Variants in HEMGN observed in about 807,000 individuals in gnomAD.
HEMGN encodes the protein erythroid differentiation-associated gene protein.
Under a neutral mutation model 45.7 loss-of-function variants are expected in HEMGN, and 32 were observed. The observed-to-expected ratio is 0.70, with a 90% CI of 0.53 to 0.94. The LOEUF is 0.94. Ranked by LOEUF, HEMGN falls within the 40% of genes least tolerant of loss-of-function variation. The pLI is 0.00. For missense variants in HEMGN, 530 were observed against 564.2 expected, an observed-to-expected ratio of 0.94 and a Z score of 0.61; for synonymous variants, 183 against 178.6, an observed-to-expected ratio of 1.02 and a Z score of -0.20.
chr9:97,932,558 C>T (rs1380331699), intron 2 of HEMGN, among the ~76,000 whole-genome samples: 2 of 152,190 alleles, frequency 1.3e-5, no homozygotes, highest in Admixed American at 1.3e-4. Flanking sequence ...GTAATCCCAG[C>T]ACTCTGGGAG....
In HEMGN at chr9:97,927,496, A is replaced by G. The variant is rs767789216; in HGVS notation, c.1361-18T>C. ...TTTCATTTCTGTAAAATCAAATAAA[A>G]TAAAAAATAGATTCAATAAATTGTA... On this transcript the variant is annotated intron_variant, in intron 3 of 3. Transcript: ENST00000616898. 16 of 1,497,138 alleles carry G rather than the reference A, an allele frequency of 1.1e-5. No individual in the cohort carries two copies. The highest frequency in any genetic ancestry group is 1.5e-5 in the Non-Finnish European group (16 of 1,077,156). 92.7% of individuals were successfully genotyped at this position (1,497,138 alleles called of 1,614,324 possible). A position where few individuals can be genotyped will look rare whatever the true frequency, so the allele number is the denominator to read the frequency against.
chr9:97,931,496 G>A (rs908017557), intron 2 of HEMGN, among the ~76,000 whole-genome samples: 3 of 152,188 alleles, frequency 2.0e-5, no homozygotes, highest in African/African-American at 2.4e-5. Context: ...GCGCGTATGC[G>A]TGCGTGCGTG....
At chr9:97,935,479 C>T (rs553955326) in intron 2 of HEMGN, among the ~76,000 whole-genome samples, 22 of 152,170 alleles carry the variant, frequency 1.4e-4, no homozygotes, top group Non-Finnish European at 1.5e-4. Flanking sequence ...CAGCCCCCCA[C>T]ACAACAGGAA....
intron 2 of HEMGN, among the ~76,000 whole-genome samples, chr9:97,933,605 G>A (rs1446934098): frequency 1.3e-5 from 2 of 152,112 alleles, no homozygotes; most frequent in Non-Finnish European, 2.9e-5. Flanking sequence ...ATAAACCAGA[G>A]TGCCAATCTA....
At position 97,930,796 on chromosome 9, in the gene HEMGN, T is replaced by C. The variant is rs371151700; in HGVS notation, c.599A>G (p.Asn200Ser). ...ICQDMKEPED[N>S]SPNTCQVISV... ...TATTACTTGGCATGTGTTAGGAGAGTTGTCTTCAGGTTCCTTCATGTCTTG... is the reference window on the plus strand; with the variant it reads ...TATTACTTGGCATGTGTTAGGAGAGCTGTCTTCAGGTTCCTTCATGTCTTG... Residue 200 changes from asparagine (N) to serine (S), a missense_variant, in exon 3 of 4, where the codon AAC (asparagine) becomes AGC (serine). Asn to Ser is a conservative substitution (Grantham distance 46). Transcript: ENST00000616898. 6 of 1,614,116 alleles carry C rather than the reference T, an allele frequency of 3.7e-6. No homozygotes were observed. The East Asian group carries it at 1.3e-4, about 36-fold the overall frequency.
At chr9:97,932,532 G>A (rs1240361599) in intron 2 of HEMGN, among the ~76,000 whole-genome samples, 1 of 152,172 alleles carries the variant, frequency 6.6e-6, no homozygotes, top group African/African-American at 2.4e-5. Context: ...TAGGCCGGGT[G>A]CGTTGGCTCA....
intron 2 of HEMGN, among the ~76,000 whole-genome samples, chr9:97,932,781 G>A (rs1345821763): frequency 7.2e-6 from 1 of 139,742 alleles, no homozygotes; most frequent in African/African-American, 2.6e-5. Flanking sequence ...TCCAGCCTGG[G>A]TGACAGAATG....
intron 3 of HEMGN, among the ~76,000 whole-genome samples, chr9:97,928,970 TTTTAC>T: frequency 6.6e-6 from 1 of 152,130 alleles, no homozygotes; most frequent in Non-Finnish European, 1.5e-5. Flanking sequence ...TATAGGGGAC[TTTTAC>T]TTTACTTGAT....
chr9:97,929,444 C>A (rs1170211129), intron 3 of HEMGN, among the ~76,000 whole-genome samples: 2 of 152,152 alleles, frequency 1.3e-5, no homozygotes, highest in African/African-American at 2.4e-5. Flanking sequence ...AGCTGAAGTT[C>A]TCAGTTATGT....
intron 3 of HEMGN, among the ~76,000 whole-genome samples, chr9:97,928,362 G>T (rs1826873525): frequency 6.6e-6 from 1 of 152,122 alleles, no homozygotes; most frequent in Non-Finnish European, 1.5e-5. Context: ...GACAGACAAG[G>T]ATTTTTAAAA....
intron 2 of HEMGN, 21 bp from the exon 3 acceptor site, chr9:97,931,242 G>C: frequency 6.5e-7 from 1 of 1,549,426 alleles, no homozygotes; most frequent in East Asian, 2.2e-5. Flanking sequence ...AACAGAATTA[G>C]TGTCAGCAGT....
At chr9:97,931,606 T>G (rs1416587134) in intron 2 of HEMGN, among the ~76,000 whole-genome samples, 4 of 152,224 alleles carry the variant, frequency 2.6e-5, no homozygotes, top group Non-Finnish European at 5.9e-5. Context: ...CTCTTTGCAT[T>G]TAGTCTTTGT....
Position 97,930,373 on chromosome 9 carries a change from T to C in HEMGN, c.1022A>G (p.Lys341Arg). 1 of 1,614,056 alleles carries C rather than the reference T, an allele frequency of 6.2e-7. No individual in the cohort carries two copies. Among genetic ancestry groups the C allele is most frequent in the Non-Finnish European group, 8.5e-7 (1 of 1,179,968 alleles). ...EIIVPKAPSH[K>R]TIQETPHSED... is the part of the protein sequence containing the mutation. The stretch of plus-strand genomic sequence containing the variant: ...AGAATGAGGTGTTTCTTGGATTGTT[T>C]TATGAGAGGGGGCTTTAGGCACAAT... The change falls in exon 3 of 4, where the codon AAA becomes AGA. Residue 341 changes from lysine (K) to arginine (R), a missense_variant. Lys to Arg is a conservative substitution (Grantham distance 26). Coordinates refer to ENST00000616898, the MANE Select transcript of HEMGN (RefSeq NM_197978.3).
chr9:97,944,116 C>T (rs957890753), intron 1 of HEMGN, among the ~76,000 whole-genome samples: 1 of 152,212 alleles, frequency 6.6e-6, no homozygotes, highest in African/African-American at 2.4e-5. Context: ...GTTGATCCAA[C>T]TATATACTTT....
upstream of HEMGN, among the ~76,000 whole-genome samples, chr9:97,942,353 G>C (rs1358231158): frequency 2.0e-5 from 3 of 147,712 alleles, no homozygotes; most frequent in African/African-American, 5.0e-5. Flanking sequence ...CACAATCACA[G>C]TTCACTGCAG....
rs551605070 is a variant in HEMGN, at chr9:97,927,188, C to T, written c.*196G>A. ...ATACATACACACACACACACACACA[C>T]ACACACACACATTCTAGCATGATAT... On this transcript the variant is annotated 3_prime_UTR_variant, in exon 4 of 4. Coordinates refer to ENST00000616898, the MANE Select transcript of HEMGN (RefSeq NM_197978.3). The T allele has an allele frequency of 2.9e-5, 13 of 453,386 alleles. No homozygotes were observed. The highest frequency in any genetic ancestry group is 3.7e-5 in the Admixed American group (1 of 27,284). 28.1% of individuals were successfully genotyped at this position (453,386 alleles called of 1,614,324 possible).
intron 3 of HEMGN, among the ~76,000 whole-genome samples, chr9:97,927,782 A>C (rs1034390701): frequency 6.6e-5 from 10 of 152,182 alleles, no homozygotes; most frequent in Non-Finnish European, 4.4e-5. Flanking sequence ...GACAACTGGA[A>C]AAATATTTGC....
intron 3 of HEMGN, among the ~76,000 whole-genome samples, chr9:97,928,750 T>G (rs1316655838): frequency 6.6e-6 from 1 of 152,246 alleles, no homozygotes; most frequent in East Asian, 1.9e-4. Flanking sequence ...TAGTAAAACT[T>G]GGCAGTAACC....
At chr9:97,940,920 A>T (rs1827142658), upstream of HEMGN, among the ~76,000 whole-genome samples, 1 of 152,104 alleles carries the variant, frequency 6.6e-6, no homozygotes, top group Non-Finnish European at 1.5e-5. Context: ...TAATAATAGC[A>T]ATATCATCAT....
Sources: gnomAD v4.1 joint callset for allele counts (sites outside exome capture counted in the v4.1 genomes callset) on GRCh38, gnomAD v4.1.1 for gene constraint, MANE v1.5 for transcripts, NCBI Gene and HGNC (gene_info 2026-07-23, HGNC 2026-07-21) for gene names.